Variants in CDH18 observed in about 807,000 individuals in gnomAD.
CDH18 encodes cadherin 18.
CDH18 carries 31 observed loss-of-function variants against 67.9 expected under a neutral mutation model. That is an observed-to-expected ratio of 0.46 (90% CI 0.34 to 0.62). The LOEUF (loss-of-function observed/expected upper bound fraction) is 0.62, where lower values mean the gene tolerates loss of function less well. Among genes scored for constraint, CDH18 ranks in the 20% least tolerant of loss-of-function variants. The pLI, the probability that CDH18 is intolerant of heterozygous loss-of-function variation, is 0.01. For synonymous variants in CDH18, 362 were observed against 347.2 expected (o/e 1.04, Z -0.48); for missense variants, 890 against 975.5 (o/e 0.91, Z 1.17).
At chr5:19,870,026 TTAAAGGACTG>T (rs1366041327) in intron 2 of CDH18, among the ~76,000 whole-genome samples, 2 of 152,150 alleles carry the variant, frequency 1.3e-5, no homozygotes, top group Non-Finnish European at 2.9e-5. Context: ...CTCCAGTATT[TTAAAGGACTG>T]TAGCTTTGCC....
chr5:20,243,126 T>C (rs953059294), intron 2 of CDH18, among the ~76,000 whole-genome samples: 4 of 152,154 alleles, frequency 2.6e-5, no homozygotes, highest in Non-Finnish European at 5.9e-5. Context: ...ATAAATGGAT[T>C]CTAAGGTCTT....
chr5:20,055,729 T>C (rs540099540), intron 2 of CDH18, among the ~76,000 whole-genome samples: 5 of 152,222 alleles, frequency 3.3e-5, no homozygotes, highest in Non-Finnish European at 7.3e-5. Context: ...CTATGTGTAA[T>C]CATCCCTTAT....
rs577675518 is a variant in CDH18 at position 19,787,014 on chromosome 5, A to G, written c.229-39778T>C. ...GAGGACAAGATCCCCTACAGACGGG[A>G]TATTTGAGAGAAACTGATACAACTA... On this transcript the variant is annotated intron_variant, in intron 3 of 12. Transcript: ENST00000382275. Among the ~76,000 whole-genome samples, 55 of 152,244 alleles carry G rather than the reference A, an allele frequency of 3.6e-4. 1 individual carries two copies. The Middle Eastern group carries it at 0.01, about 28-fold the overall frequency.
intron 2 of CDH18, among the ~76,000 whole-genome samples, chr5:20,250,333 G>A (rs1743741675): frequency 6.7e-6 from 1 of 150,274 alleles, no homozygotes; most frequent in Admixed American, 6.6e-5. Context: ...TTGCTCTGTC[G>A]CCAGGCTGGA....
chr5:19,865,149 G>T (rs369939769), intron 2 of CDH18, among the ~76,000 whole-genome samples: 1 of 152,068 alleles, frequency 6.6e-6, no homozygotes, highest in Admixed American at 6.6e-5. Flanking sequence ...TAAACCGTCT[G>T]CATGCAAGCC....
chr5:20,311,069 C>T (rs921180746), intron 1 of CDH18, among the ~76,000 whole-genome samples: 2 of 152,170 alleles, frequency 1.3e-5, no homozygotes, highest in African/African-American at 4.8e-5. Context: ...ATATTGTATA[C>T]ACCCCTGACC....
At chr5:20,458,981 A>G (rs1050870011) in intron 1 of CDH18, among the ~76,000 whole-genome samples, 1 of 152,158 alleles carries the variant, frequency 6.6e-6, no homozygotes, top group Non-Finnish European at 1.5e-5. Context: ...TTCTAAAAAA[A>G]CCAATTTCCT....
chr5:19,543,906 A>G lies in CDH18; in HGVS notation c.1353T>C (p.Thr451=), dbSNP rs1735847185. ...CAGTGACTGTGATGTTGTACCATGG[A>G]GTTTCTTCTCTGTCGAGAACCTTTG... ...RTTKVLDREE[T]PWYNITVTAS... Residue 451 remains threonine (T), a synonymous_variant, in exon 9 of 13, where the codon ACT becomes ACC. Transcript: ENST00000382275. 1 of 1,590,466 alleles carries G rather than the reference A, an allele frequency of 6.3e-7. No individual in the cohort carries two copies. The highest frequency in any genetic ancestry group is 8.6e-7 in the Non-Finnish European group (1 of 1,164,290).
intron 1 of CDH18, among the ~76,000 whole-genome samples, chr5:20,541,977 G>A (rs1035972141): frequency 3.9e-5 from 6 of 152,078 alleles, no homozygotes; most frequent in Non-Finnish European, 5.9e-5. Context: ...ACGGAGTCTC[G>A]CTCTGTCACC....
At chr5:19,871,491 G>A (rs75216770) in intron 2 of CDH18, among the ~76,000 whole-genome samples, 4,000 of 152,242 alleles carry the variant, frequency 0.026, 203 homozygotes, top group African/African-American at 0.09. Flanking sequence ...GCGTTTGAAT[G>A]CAGACTCCAG....
Position 19,758,757 on chromosome 5 carries a change from G to A in CDH18, c.229-11521C>T, listed in dbSNP as rs190076109. Among the ~76,000 whole-genome samples the A allele has an allele frequency of 5.4e-3, 820 of 152,300 alleles. 2 individuals are homozygous for A. Among genetic ancestry groups the A allele is most frequent in the South Asian group, 0.012 (57 of 4,830 alleles). ...CAGGCCCCACACCACTGGAACCCTA[G>A]AAATTTTACTGAAGTAGAAGGTCCT... On this transcript the variant is annotated intron_variant, in intron 3 of 12. Coordinates refer to ENST00000382275, the MANE Select transcript of CDH18 (RefSeq NM_004934.5).
At chr5:20,126,036 A>C (rs558391785) in intron 2 of CDH18, among the ~76,000 whole-genome samples, 8 of 152,336 alleles carry the variant, frequency 5.3e-5, no homozygotes, top group African/African-American at 1.9e-4. Context: ...ACAAAACTGG[A>C]GGTCCCACAC....
At chr5:19,608,863 T>C (rs745895932) in intron 6 of CDH18, among the ~76,000 whole-genome samples, 2 of 151,916 alleles carry the variant, frequency 1.3e-5, no homozygotes, top group Non-Finnish European at 2.9e-5. Flanking sequence ...TTGTGATTAT[T>C]TGGCATGTGT....
At chr5:20,148,388 T>C (rs907072633) in intron 2 of CDH18, among the ~76,000 whole-genome samples, 22 of 152,162 alleles carry the variant, frequency 1.4e-4, no homozygotes, top group Non-Finnish European at 2.5e-4. Flanking sequence ...TGAGCCACCG[T>C]GCCTGGCCTA....
chr5:20,042,559 A>G (rs1740521443), intron 2 of CDH18, among the ~76,000 whole-genome samples: 1 of 152,220 alleles, frequency 6.6e-6, no homozygotes, highest in African/African-American at 2.4e-5. Flanking sequence ...AACAATCACT[A>G]CATTAATTAA....
intron 2 of CDH18, among the ~76,000 whole-genome samples, chr5:20,225,529 G>T (rs562492097): frequency 6.6e-6 from 1 of 152,148 alleles, no homozygotes; most frequent in South Asian, 2.1e-4. Flanking sequence ...TTGTGCTGTA[G>T]ACATTCATAG....
rs912432818 is a variant in CDH18, at chr5:20,500,109, T to TA, written c.-580+75352dup. Among the ~76,000 whole-genome samples the TA allele has an allele frequency of 2.0e-5, 3 of 152,134 alleles. No homozygotes were observed. In the East Asian group the frequency reaches 5.8e-4, roughly 29 times the overall value. On this transcript the variant is annotated intron_variant, in intron 1 of 14. Transcript: ENST00000507958. ...TGTCCACTTTTTGTTTTAAAAATTGTAAAAAATAATTACTGTGACTTTCTC... is the reference window on the plus strand; with the variant it reads ...TGTCCACTTTTTGTTTTAAAAATTGTAAAAAAATAATTACTGTGACTTTCTC...
Position 19,840,181 on chromosome 5 carries a change from T to C in CDH18, c.-256-939A>G, listed in dbSNP as rs187725838. ...TACTCAGGAGGCTAAGGCAGGAAAA[T>C]GGCGTGAACCCGGGAGGTGGAGCTT... On this transcript the variant is annotated intron_variant, in intron 2 of 12. Coordinates refer to ENST00000382275, the MANE Select transcript of CDH18 (RefSeq NM_004934.5). Among the ~76,000 whole-genome samples, 534 of 145,208 alleles carry C rather than the reference T, an allele frequency of 3.7e-3. 2 individuals are homozygous for C. The highest frequency in any genetic ancestry group is 0.013 in the African/African-American group (512 of 39,144).
intron 1 of CDH18, among the ~76,000 whole-genome samples, chr5:20,419,207 A>G (rs990249753): frequency 1.3e-5 from 2 of 151,874 alleles, no homozygotes; most frequent in African/African-American, 4.8e-5. Context: ...TGCCTCGGCC[A>G]GGAGAGAAGT....
Sources: allele counts gnomAD v4.1 joint callset (sites outside exome capture counted in the v4.1 genomes callset), GRCh38; gene constraint gnomAD v4.1.1; transcripts MANE v1.5; gene names NCBI Gene and HGNC (gene_info 2026-07-23, HGNC 2026-07-21).